Variants in ME1 observed in about 807,000 individuals in gnomAD.
ME1 encodes NADP-dependent malic enzyme.
In ME1, 74 loss-of-function variants were observed where a neutral mutation model predicts 66.4. The ratio of observed to expected loss-of-function variants is 1.11; its 90% CI spans 0.92 to 1.35. The LOEUF is 1.35. ME1 is among the 40% of genes most tolerant of loss of function. The probability of loss-of-function intolerance (pLI) is 0.00; values close to 1 mark genes in which losing one functional copy is unlikely to be tolerated. For missense variants in ME1, 750 were observed against 694.1 expected, an observed-to-expected ratio of 1.08 and a Z score of -0.90; for synonymous variants, 251 against 235.6, an observed-to-expected ratio of 1.07 and a Z score of -0.60.
At chr6:83,278,720 A>C (rs1331526682) in intron 6 of ME1, among the ~76,000 whole-genome samples, 2 of 152,048 alleles carry the variant, frequency 1.3e-5, no homozygotes, top group African/African-American at 4.8e-5. Flanking sequence ...CAGCCTCCAA[A>C]AGCACCAGAA....
intron 6 of ME1, among the ~76,000 whole-genome samples, chr6:83,306,011 C>A (rs1248538274): frequency 6.6e-6 from 1 of 151,976 alleles, no homozygotes; most frequent in African/African-American, 2.4e-5. Flanking sequence ...TATAAACACA[C>A]GTAAATTAAG....
At chr6:83,374,423 C>T (rs944314224) in intron 3 of ME1, among the ~76,000 whole-genome samples, 1 of 152,088 alleles carries the variant, frequency 6.6e-6, no homozygotes, top group Non-Finnish European at 1.5e-5. Flanking sequence ...CTGTTCACGT[C>T]CTTTGCCCAC....
Position 83,210,874 on chromosome 6 carries a change from T to C in ME1, c.*1050A>G, listed in dbSNP as rs1316483195. The stretch of plus-strand genomic sequence containing the variant: ...AGAATGGTATTAGTCATCAAGATAT[T>C]TTAATCTTATGTAAGGACATTTCTG... On this transcript the variant is annotated 3_prime_UTR_variant, in exon 14 of 14. Transcript: ENST00000369705. 1 of 152,210 alleles carries C rather than the reference T, an allele frequency of 6.6e-6. No homozygotes were observed. The highest frequency in any genetic ancestry group is 2.4e-5 in the African/African-American group (1 of 41,454). The allele number at this position is 152,210 out of a possible 1,614,324, so 9.4% of individuals were successfully genotyped here.
intron 9 of ME1, among the ~76,000 whole-genome samples, chr6:83,231,608 G>A (rs1236416494): frequency 6.6e-6 from 1 of 152,096 alleles, no homozygotes; most frequent in Non-Finnish European, 1.5e-5. Flanking sequence ...TGTACCTTTG[G>A]ACTTCTATTT....
chr6:83,308,250 C>T (rs540989627), intron 6 of ME1, among the ~76,000 whole-genome samples: 41 of 151,888 alleles, frequency 2.7e-4, no homozygotes, highest in Non-Finnish European at 1.9e-4. Flanking sequence ...TAATTTTTGT[C>T]ATTTAAAATA....
At chr6:83,402,044 G>T (rs2128551143) in intron 2 of ME1, among the ~76,000 whole-genome samples, 1 of 152,304 alleles carries the variant, frequency 6.6e-6, no homozygotes, top group South Asian at 2.1e-4. Context: ...CATTGCTTCT[G>T]ATCAAGGAAC....
At chr6:83,278,774 A>G (rs963691425) in intron 6 of ME1, among the ~76,000 whole-genome samples, 1 of 152,164 alleles carries the variant, frequency 6.6e-6, no homozygotes, top group African/African-American at 2.4e-5. Flanking sequence ...ATCATTTTTT[A>G]AAATGCCAGA....
intron 6 of ME1, among the ~76,000 whole-genome samples, chr6:83,263,161 T>A (rs1478498907): frequency 6.6e-6 from 1 of 152,192 alleles, no homozygotes; most frequent in Non-Finnish European, 1.5e-5. Context: ...TATAATTGCA[T>A]ATAAGATGGC....
At position 83,382,299 on chromosome 6, in the gene ME1, T is replaced by C. The variant is rs115638784; in HGVS notation, c.362+16068A>G. Among the ~76,000 whole-genome samples the C allele has an allele frequency of 7.1e-3, 1,082 of 152,230 alleles. 15 individuals carry two copies. Among genetic ancestry groups the C allele is most frequent in the African/African-American group, 0.024 (989 of 41,542 alleles). Reference sequence around the variant, plus strand: ...TCAATGCTTGGTAAAGTGCCTGGCATGCAGTGGACGCTCAATAAATTTCTG... The same window carrying C: ...TCAATGCTTGGTAAAGTGCCTGGCACGCAGTGGACGCTCAATAAATTTCTG... On this transcript the variant is annotated intron_variant, in intron 3 of 13. Transcript: ENST00000369705.
intron 7 of ME1, among the ~76,000 whole-genome samples, chr6:83,246,738 G>T (rs1365201138): frequency 1.3e-5 from 2 of 152,000 alleles, no homozygotes; most frequent in Non-Finnish European, 2.9e-5. Flanking sequence ...TTGTACAAAA[G>T]AATTGTATCA....
chr6:83,221,327 A>G (rs1460213367), intron 12 of ME1, among the ~76,000 whole-genome samples: 1 of 152,196 alleles, frequency 6.6e-6, no homozygotes, highest in Admixed American at 6.5e-5. Context: ...CTTGTCACAA[A>G]AAGATTCCAG....
chr6:83,373,762 C>T (rs1275685471), intron 3 of ME1, among the ~76,000 whole-genome samples: 1 of 152,078 alleles, frequency 6.6e-6, no homozygotes, highest in African/African-American at 2.4e-5. Flanking sequence ...TGATCTCCTT[C>T]CCCTCACCCC....
intron 3 of ME1, among the ~76,000 whole-genome samples, chr6:83,352,690 T>C (rs932431324): frequency 6.6e-6 from 1 of 152,172 alleles, no homozygotes; most frequent in African/African-American, 2.4e-5. Context: ...TGCAACTCTG[T>C]TATTTACTCT....
chr6:83,267,154 C>T (rs1157770990), intron 6 of ME1, among the ~76,000 whole-genome samples: 1 of 152,002 alleles, frequency 6.6e-6, no homozygotes, highest in Non-Finnish European at 1.5e-5. Flanking sequence ...TATTTTTAAA[C>T]TAATAATTTT....
intron 2 of ME1, among the ~76,000 whole-genome samples, chr6:83,400,423 C>T (rs752373273): frequency 8.5e-5 from 13 of 152,176 alleles, no homozygotes; most frequent in Non-Finnish European, 1.6e-4. Context: ...CCATTTAAAT[C>T]TCCTTTCTTT....
chr6:83,236,602 C>T (rs1413626133), intron 9 of ME1, among the ~76,000 whole-genome samples: 1 of 152,078 alleles, frequency 6.6e-6, no homozygotes, highest in South Asian at 2.1e-4. Flanking sequence ...AATATGGCCA[C>T]AAACCTAATT....
At position 83,278,616 on chromosome 6, in the gene ME1, AG is replaced by A; in HGVS notation, c.705-24879del. On this transcript the variant is annotated intron_variant, in intron 6 of 13. Transcript: ENST00000369705. ...GCCACCACGCCTGGTGCCTGACTAG[AG>A]TCTTTTTTTTTTTAATTTCTTGTAG... 2.0e-5 allele frequency among the ~76,000 whole-genome samples: 3 copies of A among 150,702 alleles called. 1 individual carries two copies. In the South Asian group the frequency reaches 6.3e-4, roughly 32 times the overall value.
chr6:83,346,279 T>C lies in ME1; in HGVS notation c.494A>G (p.Asn165Ser). ...RILGLGDLGC[N>S]GMGIPVGKLA... ...TTTACCCACAGGGATGCCCATTCCA[T>C]TACAGCCAAGGTCTCCCAAGCCAAG... The change falls in exon 5 of 14, where the codon AAT becomes AGT. Residue 165 changes from asparagine (N) to serine (S), a missense_variant. By Grantham distance (46) the Asn-to-Ser change is conservative. Transcript: ENST00000369705. 1 of 1,613,496 alleles carries C rather than the reference T, an allele frequency of 6.2e-7. No individual in the cohort carries two copies. Among genetic ancestry groups the C allele is most frequent in the Non-Finnish European group, 8.5e-7 (1 of 1,179,626 alleles).
At chr6:83,358,435 T>C (rs766561225) in intron 3 of ME1, among the ~76,000 whole-genome samples, 6 of 152,134 alleles carry the variant, frequency 3.9e-5, no homozygotes, top group Admixed American at 2.0e-4. Context: ...CAGAAGCATA[T>C]ACTGAGCCTC....
Sources: allele counts gnomAD v4.1 joint callset (sites outside exome capture counted in the v4.1 genomes callset), GRCh38; gene constraint gnomAD v4.1.1; transcripts MANE v1.5; gene names NCBI Gene and HGNC (gene_info 2026-07-23, HGNC 2026-07-21).